The following LMLN variants were observed in gnomAD, a reference collection of about 807,000 sequenced individuals.
The protein encoded by LMLN is leishmanolysin like peptidase.
A neutral mutation model predicts 92.3 loss-of-function variants in LMLN; 70 were observed. The observed-to-expected ratio is 0.76, with a 90% CI of 0.63 to 0.92. LMLN has a LOEUF of 0.92. Among genes scored for constraint, LMLN ranks in the 40% least tolerant of loss-of-function variants. The probability of loss-of-function intolerance (pLI) is 0.00; values close to 1 mark genes in which losing one functional copy is unlikely to be tolerated. For missense variants in LMLN, 691 were observed against 814.6 expected, an observed-to-expected ratio of 0.85 and a Z score of 1.85; for synonymous variants, 308 against 296.2, an observed-to-expected ratio of 1.04 and a Z score of -0.41.
intron 1 of LMLN, among the ~76,000 whole-genome samples, chr3:197,972,784 T>C (rs1721265785): frequency 6.6e-6 from 1 of 152,206 alleles, no homozygotes; most frequent in Non-Finnish European, 1.5e-5. Context: ...GCAACATTTA[T>C]TCTTTGCTGG....
At chr3:198,033,506 T>C (rs1723130884) in intron 14 of LMLN, among the ~76,000 whole-genome samples, 1 of 152,074 alleles carries the variant, frequency 6.6e-6, no homozygotes, top group Admixed American at 6.6e-5. Flanking sequence ...AACCTCGGCC[T>C]CCTGGGTTCA....
At position 198,020,768 on chromosome 3, in the gene LMLN, ATTTTTTTTTTTTTT is replaced by A. The variant is rs71166715; in HGVS notation, c.1366-659_1366-646del. On this transcript the variant is annotated intron_variant, in intron 12 of 15. Transcript: ENST00000330198. ...GCCACCACACCCAGCTAATTTTTGT[ATTTTTTTTTTTTTT>A]TTTTTTTTTTTTTTTTTTAGTAGAG... is the stretch of plus-strand genomic sequence containing the variant. Among the ~76,000 whole-genome samples the A allele has an allele frequency of 3.5e-3, 115 of 32,870 alleles. 1 individual carries two copies. Among genetic ancestry groups the A allele is most frequent in the Middle Eastern group, 0.11 (2 of 18 alleles). 21.6% of individuals were successfully genotyped at this position (32,870 alleles called of 152,430 possible).
At chr3:197,970,541 A>T (rs1721194423) in intron 1 of LMLN, among the ~76,000 whole-genome samples, 1 of 152,210 alleles carries the variant, frequency 6.6e-6, no homozygotes, top group Admixed American at 6.5e-5. Flanking sequence ...AGTGTGGTCT[A>T]CCAGGGAAGA....
At chr3:197,975,203 A>G (rs1721335977) in intron 3 of LMLN, 131 bp downstream of exon 3, 2 of 535,928 alleles carry the variant, frequency 3.7e-6, no homozygotes, top group Non-Finnish European at 6.6e-6. Flanking sequence ...GAAAGTGCTG[A>G]TCATTTCACA....
At chr3:198,039,697 T>C (rs1263196983) in exon 16 of LMLN, 1 of 152,244 alleles carries the variant, frequency 6.6e-6, no homozygotes, top group Non-Finnish European at 1.5e-5. Flanking sequence ...TTAAATCTTA[T>C]GATTTAACCG....
At chr3:198,041,749 A>G (rs1221810874) in exon 16 of LMLN, 1 of 152,194 alleles carries the variant, frequency 6.6e-6, no homozygotes, top group African/African-American at 2.4e-5. Context: ...TATGATTATG[A>G]ATCATCCTGC....
chr3:197,981,228 C>T (rs990562797), intron 6 of LMLN, among the ~76,000 whole-genome samples: 5 of 151,848 alleles, frequency 3.3e-5, no homozygotes. Flanking sequence ...AAAAATTAGC[C>T]AGGAGTGGTG....
At chr3:198,010,952 C>T (rs928572646) in intron 11 of LMLN, among the ~76,000 whole-genome samples, 4 of 151,814 alleles carry the variant, frequency 2.6e-5, no homozygotes, top group African/African-American at 4.8e-5. Flanking sequence ...TTTGACCCAT[C>T]GATTATTTAG....
intron 11 of LMLN, among the ~76,000 whole-genome samples, chr3:198,000,117 C>T (rs1722131034): frequency 1.3e-5 from 2 of 148,776 alleles, no homozygotes; most frequent in South Asian, 4.3e-4. Flanking sequence ...GTCCCAAACG[C>T]CTGGGCTCAA....
chr3:198,030,377 G>C (rs1723047211), intron 14 of LMLN, among the ~76,000 whole-genome samples: 1 of 152,156 alleles, frequency 6.6e-6, no homozygotes, highest in South Asian at 2.1e-4. Context: ...GCGCCTGGTA[G>C]CATGCAATCA....
At chr3:197,992,159 C>CAT (rs1047778511) in intron 9 of LMLN, among the ~76,000 whole-genome samples, 7 of 151,078 alleles carry the variant, frequency 4.6e-5, no homozygotes, top group African/African-American at 1.5e-4. Flanking sequence ...TCTGTGTGTA[C>CAT]ATATATATAG....
At chr3:198,043,651 T>C (rs536040652) in exon 16 of LMLN, 1 of 152,696 alleles carries the variant, frequency 6.5e-6, no homozygotes, top group African/African-American at 2.4e-5. Flanking sequence ...AGAACTAATA[T>C]TTATGGTATT....
chr3:198,003,651 GATAC>G (rs1722236500), intron 11 of LMLN, among the ~76,000 whole-genome samples: 1 of 117,142 alleles, frequency 8.5e-6, no homozygotes, highest in African/African-American at 4.0e-5. Flanking sequence ...CATCTATACA[GATAC>G]ATATCATACG....
chr3:197,970,900 G>C (rs566087690), intron 1 of LMLN, among the ~76,000 whole-genome samples: 4 of 152,124 alleles, frequency 2.6e-5, no homozygotes, highest in African/African-American at 9.7e-5. Context: ...ACCCTTTTGT[G>C]TTATTTCCAT....
At chr3:198,026,966 C>G (rs1343176644) in intron 14 of LMLN, among the ~76,000 whole-genome samples, 1 of 152,084 alleles carries the variant, frequency 6.6e-6, no homozygotes. Flanking sequence ...GTATATGTAT[C>G]AGTACACTCT....
In LMLN at chr3:198,031,957, C is replaced by T. The variant is rs1723089395; in HGVS notation, c.1657-3876C>T. ...CATCTACTAAAAATACAAAAATTAG[C>T]CCGGTGTGGTGGTGGGCGCCTGTAA... On this transcript the variant is annotated intron_variant, in intron 14 of 15. Coordinates refer to ENST00000330198, the Ensembl canonical transcript of LMLN. The surrounding 1 kb of genome is among the most constrained non-coding windows in gnomAD (Gnocchi z 4.8). Among the ~76,000 whole-genome samples, 1 of 151,980 alleles carries T rather than the reference C, an allele frequency of 6.6e-6. No homozygotes were observed. Among genetic ancestry groups the T allele is most frequent in the South Asian group, 2.1e-4 (1 of 4,792 alleles).
chr3:197,993,289 A>C (rs1181504750), intron 9 of LMLN, among the ~76,000 whole-genome samples: 2 of 152,148 alleles, frequency 1.3e-5, no homozygotes, highest in Non-Finnish European at 2.9e-5. Flanking sequence ...AAATAAATAA[A>C]AGGCATCCAA....
chr3:197,968,333 G>A (rs1271476015), intron 1 of LMLN, among the ~76,000 whole-genome samples: 1 of 152,002 alleles, frequency 6.6e-6, no homozygotes, highest in African/African-American at 2.4e-5. Flanking sequence ...AGCTGGGTGT[G>A]GTGGCAGGCA....
chr3:198,001,797 T>C (rs1443801963), intron 11 of LMLN, among the ~76,000 whole-genome samples: 1 of 152,094 alleles, frequency 6.6e-6, no homozygotes, highest in African/African-American at 2.4e-5. Context: ...CTCCCCAACT[T>C]TCAAGCCTAT....
Sources: gnomAD v4.1 joint callset for allele counts (sites outside exome capture counted in the v4.1 genomes callset) on GRCh38, gnomAD v4.1.1 for gene constraint, Gnocchi (gnomAD v3.1) non-coding constraint, MANE v1.5 for transcripts, NCBI Gene and HGNC (gene_info 2026-07-23, HGNC 2026-07-21) for gene names.